Variants in NLGN1 observed in about 807,000 individuals in gnomAD.
The protein encoded by NLGN1 is neuroligin-1.
A neutral mutation model predicts 65.5 loss-of-function variants in NLGN1; 12 were observed. The ratio of observed to expected loss-of-function variants is 0.18; its 90% CI spans 0.12 to 0.30. The LOEUF is 0.30. Among genes scored for constraint, NLGN1 ranks in the 10% least tolerant of loss-of-function variants. The pLI is 1.00. For missense variants in NLGN1, 750 were observed against 1,007.1 expected (o/e 0.74, Z 3.46); for synonymous variants, 350 against 359.5 (o/e 0.97, Z 0.30).
intron 4 of NLGN1, among the ~76,000 whole-genome samples, chr3:174,124,828 A>T (rs1036023771): frequency 1.3e-5 from 2 of 151,970 alleles, no homozygotes; most frequent in Non-Finnish European, 2.9e-5. Context: ...GGGAGCATGT[A>T]ACAAAAGGAC....
chr3:173,888,574 A>G (rs751259754), intron 4 of NLGN1, among the ~76,000 whole-genome samples: 2 of 152,052 alleles, frequency 1.3e-5, no homozygotes, highest in Non-Finnish European at 2.9e-5. Flanking sequence ...TTAAAACATC[A>G]TAAACTAAAT....
chr3:174,117,489 C>G (rs375720699), intron 4 of NLGN1, among the ~76,000 whole-genome samples: 2 of 151,596 alleles, frequency 1.3e-5, no homozygotes, highest in Admixed American at 6.6e-5. Flanking sequence ...GGCGCAGTGG[C>G]GGGCGCCTGT....
intron 2 of NLGN1, among the ~76,000 whole-genome samples, chr3:173,556,799 G>A (rs1741779679): frequency 9.7e-6 from 1 of 103,368 alleles, no homozygotes; most frequent in Admixed American, 9.4e-5. Context: ...GCGAGGACCT[G>A]TCTCAAAAAA....
chr3:174,018,316 T>C (rs540732527), intron 4 of NLGN1, among the ~76,000 whole-genome samples: 1 of 152,176 alleles, frequency 6.6e-6, no homozygotes, highest in East Asian at 1.9e-4. Flanking sequence ...TGAGGTGACA[T>C]ACATCCTCAG....
Position 173,526,160 on chromosome 3 carries a change from G to A in NLGN1, c.-320-78119G>A, listed in dbSNP as rs145207951. ...GGGTCTGTGTACTGTTGTCAGTGGG[G>A]TGTTGAAGTCCCTACTTCTGTATTA... On this transcript the variant is annotated intron_variant, in intron 2 of 6. Transcript: ENST00000457714. Among the ~76,000 whole-genome samples, 8 of 152,194 alleles carry A rather than the reference G, an allele frequency of 5.3e-5. 1 individual carries two copies. The highest frequency in any genetic ancestry group is 1.9e-4 in the African/African-American group (8 of 41,546).
In NLGN1 at chr3:174,080,572, G is replaced by A. The variant is rs113939413; in HGVS notation, c.647-194743G>A. Among the ~76,000 whole-genome samples, 309 of 152,258 alleles carry A rather than the reference G, an allele frequency of 2.0e-3. 2 individuals are homozygous for A. The highest frequency in any genetic ancestry group is 7.2e-3 in the African/African-American group (300 of 41,552). ...CACATGTGCAGTGGGCTGTCTGCAA[G>A]TTCAGTGGCCAGTGTGTTTAATGGA... On this transcript the variant is annotated intron_variant, in intron 4 of 6. Coordinates refer to ENST00000457714, the Ensembl canonical transcript of NLGN1.
At chr3:173,576,086 C>T (rs1424534597) in intron 2 of NLGN1, among the ~76,000 whole-genome samples, 2 of 151,914 alleles carry the variant, frequency 1.3e-5, no homozygotes, top group Non-Finnish European at 2.9e-5. Flanking sequence ...TATATGGAAG[C>T]AATTAAATTT....
chr3:173,440,579 T>C (rs2148793490), intron 2 of NLGN1, among the ~76,000 whole-genome samples: 1 of 152,294 alleles, frequency 6.6e-6, no homozygotes, highest in Non-Finnish European at 1.5e-5. Context: ...ATCTTGTACA[T>C]CTACATCAGA....
intron 4 of NLGN1, among the ~76,000 whole-genome samples, chr3:173,991,015 A>G (rs541598720): frequency 4.6e-5 from 7 of 152,288 alleles, no homozygotes; most frequent in Admixed American, 3.9e-4. Flanking sequence ...CATTTCCCAC[A>G]GAGTTGTACC....
In NLGN1 at chr3:174,279,154, T is replaced by C; in HGVS notation, c.1153T>C (p.Leu385=). 1.2e-6 allele frequency: 2 copies of C among 1,613,386 alleles called. No individual in the cohort carries two copies. Among genetic ancestry groups the C allele is most frequent in the East Asian group, 4.5e-5 (2 of 44,830 alleles). Reference sequence around the variant, plus strand: ...AGAGTTTCTCAACTATGATATAATGTTAGGAGTGAACCAAGGGGAAGGGTT... The same window carrying C: ...AGAGTTTCTCAACTATGATATAATGCTAGGAGTGAACCAAGGGGAAGGGTT... The change falls in exon 6 of 7, where the codon TTA becomes CTA. Residue 385 remains leucine, a synonymous_variant. Transcript: ENST00000457714. The surrounding 1 kb of genome is among the most constrained non-coding windows in gnomAD (Gnocchi z 4.7).
At chr3:174,101,509 G>T (rs757291988) in intron 4 of NLGN1, among the ~76,000 whole-genome samples, 1 of 152,158 alleles carries the variant, frequency 6.6e-6, no homozygotes, top group African/African-American at 2.4e-5. Context: ...AACCCAAAGT[G>T]CTGGAGCCAT....
chr3:173,533,016 C>A (rs1309919118), intron 2 of NLGN1, among the ~76,000 whole-genome samples: 1 of 152,146 alleles, frequency 6.6e-6, no homozygotes, highest in African/African-American at 2.4e-5. Flanking sequence ...CATGCGTATT[C>A]TTGATTCACT....
At chr3:173,753,047 C>G (rs1246132089) in intron 3 of NLGN1, among the ~76,000 whole-genome samples, 1 of 152,058 alleles carries the variant, frequency 6.6e-6, no homozygotes, top group East Asian at 1.9e-4. Flanking sequence ...TTCTACCCAC[C>G]CGTCTTTTCA....
intron 4 of NLGN1, among the ~76,000 whole-genome samples, chr3:174,236,860 G>T (rs1741807118): frequency 6.6e-6 from 1 of 151,776 alleles, no homozygotes; most frequent in Non-Finnish European, 1.5e-5. Flanking sequence ...AGATTCTATG[G>T]CTTACTTTTA....
intron 3 of NLGN1, among the ~76,000 whole-genome samples, chr3:173,735,685 G>C (rs1305921866): frequency 2.0e-5 from 3 of 151,936 alleles, no homozygotes; most frequent in Non-Finnish European, 4.4e-5. Flanking sequence ...TGCTATTTTT[G>C]TTATTCCTTT....
chr3:173,460,270 T>A (rs1167605141), intron 2 of NLGN1, among the ~76,000 whole-genome samples: 2 of 152,066 alleles, frequency 1.3e-5, no homozygotes, highest in African/African-American at 4.8e-5. Context: ...ATAAATAATA[T>A]TAAATTAAAG....
At chr3:173,846,537 T>C (rs1302184773) in intron 4 of NLGN1, among the ~76,000 whole-genome samples, 1 of 152,200 alleles carries the variant, frequency 6.6e-6, no homozygotes, top group Non-Finnish European at 1.5e-5. Context: ...TGTTTCTTAA[T>C]TATGCTACAT....
chr3:173,696,535 C>A (rs1688597348), intron 3 of NLGN1, among the ~76,000 whole-genome samples: 1 of 152,224 alleles, frequency 6.6e-6, no homozygotes, highest in South Asian at 2.1e-4. Flanking sequence ...ATAATGAAAT[C>A]ATTCTGAACA....
At chr3:173,429,165 A>G (rs1331128333) in intron 1 of NLGN1, among the ~76,000 whole-genome samples, 2 of 152,012 alleles carry the variant, frequency 1.3e-5, no homozygotes, top group African/African-American at 4.8e-5. Flanking sequence ...TCTAGATCTT[A>G]TAGACATTCT....
Sources: allele counts gnomAD v4.1 joint callset (sites outside exome capture counted in the v4.1 genomes callset), GRCh38; gene constraint gnomAD v4.1.1; non-coding constraint Gnocchi (gnomAD v3.1); transcripts MANE v1.5; gene names NCBI Gene and HGNC (gene_info 2026-07-23, HGNC 2026-07-21).